The following SCAMP4 variants were observed in gnomAD, a reference collection of about 807,000 sequenced individuals.
The protein encoded by SCAMP4 is secretory carrier membrane protein 4.
Under a neutral mutation model 32.1 loss-of-function variants are expected in SCAMP4, and 19 were observed. The observed-to-expected ratio is 0.59, with a 90% CI of 0.41 to 0.87. The LOEUF is 0.87. Ranked by LOEUF, SCAMP4 falls within the 40% of genes least tolerant of loss-of-function variation. SCAMP4 has a pLI of 0.00. For synonymous variants in SCAMP4, 152 were observed against 132.7 expected (o/e 1.15, Z -1.00); for missense variants, 302 against 309.0 (o/e 0.98, Z 0.17).
At chr19:1,922,980 A>G in intron 5 of SCAMP4, 90 bp from the exon 6 acceptor site, 1 of 1,416,612 alleles carries the variant, frequency 7.1e-7, no homozygotes, top group Non-Finnish European at 9.2e-7. Context: ...GATTGGCCAG[A>G]GCTCTTTACA....
At chr19:1,918,727 T>C (rs1475424378) in intron 4 of SCAMP4, 162 bp from the exon 5 acceptor site, 6 of 1,121,648 alleles carry the variant, frequency 5.3e-6, no homozygotes, top group African/African-American at 1.6e-5. Flanking sequence ...TCGACACTGC[T>C]CTCCAGCCTG....
rs2014033707 is a variant in SCAMP4, at chr19:1,924,378, A to G, written c.*94A>G. 8.2e-7 allele frequency: 1 copy of G among 1,219,464 alleles called. No individual in the cohort carries two copies. Among genetic ancestry groups the G allele is most frequent in the Admixed American group, 2.1e-5 (1 of 47,436 alleles). 75.5% of individuals were successfully genotyped at this position (1,219,464 alleles called of 1,614,324 possible). A position where few individuals can be genotyped will look rare whatever the true frequency, so the allele number is the denominator to read the frequency against. On this transcript the variant is annotated 3_prime_UTR_variant, in exon 7 of 7. Coordinates refer to ENST00000316097, the MANE Select transcript of SCAMP4 (RefSeq NM_079834.4). The stretch of plus-strand genomic sequence containing the variant: ...GAGGGCTGGGAGTACCTGGGGCCCC[A>G]TCCCCCCAGCTGGGATGGTGGAAGC...
Position 1,908,615 on chromosome 19 carries a change from G to A in SCAMP4, c.-42+3176G>A, listed in dbSNP as rs1295384225. The A allele has an allele frequency of 4.3e-6, 2 of 470,118 alleles. No individual in the cohort carries two copies. The highest frequency in any genetic ancestry group is 2.4e-5 in the Admixed American group (1 of 42,328). 29.1% of individuals were successfully genotyped at this position (470,118 alleles called of 1,614,324 possible). On this transcript the variant is annotated intron_variant, in intron 1 of 6. Transcript: ENST00000316097. This position sits in a 1 kb window ranked among gnomAD's most constrained non-coding sequence, Gnocchi z 4.2. ...CCATCTGAGGCAGTACTGTCTGCTA[G>A]AAATAACTGTGAGCACACAGGTAGT...
At chr19:1,907,177 A>T (rs566648993) in intron 1 of SCAMP4, 1 of 150,830 alleles carries the variant, frequency 6.6e-6, no homozygotes, top group African/African-American at 2.4e-5. Flanking sequence ...ACAGAGTGAG[A>T]CTGTCCCAAA....
chr19:1,918,373 C>T (rs1466757431), intron 4 of SCAMP4, 90 bp downstream of exon 4: 3 of 1,338,098 alleles, frequency 2.2e-6, no homozygotes, highest in African/African-American at 1.5e-5. Flanking sequence ...AGGAGCTGTC[C>T]CTTTCTCTGC....
intron 3 of SCAMP4, 72 bp downstream of exon 3, chr19:1,917,894 C>T (rs1213481540): frequency 1.9e-6 from 3 of 1,585,962 alleles, no homozygotes; most frequent in Non-Finnish European, 2.6e-6. Context: ...GGCATTCAGG[C>T]AGGGGCAGCC....
chr19:1,922,139 G>T, intron 5 of SCAMP4: 1 of 985,482 alleles, frequency 1.0e-6, no homozygotes, highest in Non-Finnish European at 1.2e-6. Context: ...CAAAATGACT[G>T]TTTTCTGCCT....
At chr19:1,916,219 C>T (rs1243437913) in intron 2 of SCAMP4, among the ~76,000 whole-genome samples, 2 of 149,298 alleles carry the variant, frequency 1.3e-5, no homozygotes, top group African/African-American at 4.9e-5. Context: ...GCCTGGGTGA[C>T]AGAGTGAGAC....
At chr19:1,918,804 C>T (rs2013822187) in intron 4 of SCAMP4, 85 bp from the exon 5 acceptor site, 2 of 1,529,742 alleles carry the variant, frequency 1.3e-6, no homozygotes, top group Admixed American at 4.3e-5. Flanking sequence ...CCGCTCTCAC[C>T]ATCTCTGACT....
intron 1 of SCAMP4, among the ~76,000 whole-genome samples, chr19:1,910,573 G>GTT (rs1490295435): frequency 4.7e-5 from 6 of 126,822 alleles, no homozygotes; most frequent in Non-Finnish European, 8.1e-5. Context: ...TTTTTGAGGT[G>GTT]TCTTTTTTTT....
At chr19:1,922,674 T>C in intron 5 of SCAMP4, 1 of 989,590 alleles carries the variant, frequency 1.0e-6, no homozygotes, top group Non-Finnish European at 1.2e-6. Flanking sequence ...GGGTTCTTAG[T>C]AGCAGGCTCA....
Position 1,908,510 on chromosome 19 carries a change from G to A in SCAMP4, c.-42+3071G>A, listed in dbSNP as rs566505241. ...TGCGGGAGGAGCCGTCCATACCAGCGGGGATGTGTAGTCCAGGCTGGCAGT... is the reference window on the plus strand; with the variant it reads ...TGCGGGAGGAGCCGTCCATACCAGCAGGGATGTGTAGTCCAGGCTGGCAGT... On this transcript the variant is annotated intron_variant, in intron 1 of 6. Coordinates refer to ENST00000316097, the MANE Select transcript of SCAMP4 (RefSeq NM_079834.4). The surrounding 1 kb of genome is among the most constrained non-coding windows in gnomAD (Gnocchi z 4.2). 3.7e-4 allele frequency: 173 copies of A among 471,126 alleles called. No individual in the cohort carries two copies. Among genetic ancestry groups the A allele is most frequent in the South Asian group, 9.3e-4 (60 of 64,568 alleles). 29.2% of individuals were successfully genotyped at this position (471,126 alleles called of 1,614,324 possible).
intron 5 of SCAMP4, chr19:1,922,294 C>G: frequency 1.0e-6 from 1 of 979,652 alleles, no homozygotes; most frequent in Non-Finnish European, 1.2e-6. Context: ...GAATCTTGCT[C>G]TGTCCCCCAG....
intron 5 of SCAMP4, chr19:1,921,089 C>T (rs769697733): frequency 1.7e-4 from 167 of 985,286 alleles, no homozygotes; most frequent in Non-Finnish European, 1.9e-4. Flanking sequence ...CAAACCACAG[C>T]GCACAGCGAC....
At chr19:1,910,195 G>A (rs2013366318) in intron 1 of SCAMP4, among the ~76,000 whole-genome samples, 1 of 152,234 alleles carries the variant, frequency 6.6e-6, no homozygotes. Context: ...CTGGAACCCA[G>A]GTGTCAGCCA....
rs1183827901 is a variant in SCAMP4, at chr19:1,908,571, C to T, written c.-42+3132C>T. 2.1e-6 allele frequency: 1 copy of T among 471,092 alleles called. No homozygotes were observed. The highest frequency in any genetic ancestry group is 4.4e-6 in the Non-Finnish European group (1 of 227,064). 29.2% of individuals were successfully genotyped at this position (471,092 alleles called of 1,614,324 possible). Reference sequence around the variant, plus strand: ...CCGGCTGGAGTCATTTTAAGATCATCTGCGGCTTAGCCCCAGCACCATCTG... The same window carrying T: ...CCGGCTGGAGTCATTTTAAGATCATTTGCGGCTTAGCCCCAGCACCATCTG... On this transcript the variant is annotated intron_variant, in intron 1 of 6. Coordinates refer to ENST00000316097, the MANE Select transcript of SCAMP4 (RefSeq NM_079834.4). The surrounding 1 kb of genome is among the most constrained non-coding windows in gnomAD (Gnocchi z 4.2).
rs896308703 is a variant in SCAMP4, at chr19:1,924,206, G to A, written c.612G>A (p.Gln204=). 12 of 1,609,466 alleles carry A rather than the reference G, an allele frequency of 7.5e-6. No homozygotes were observed. The highest frequency in any genetic ancestry group is 1.3e-5 in the African/African-American group (1 of 74,854). ...TWRNPPSREA[Q]YNNFSGNSLP... ...GGAACCCACCGTCGAGGGAGGCCCAGTACAACAACTTCTCAGGCAACAGCC... is the reference window on the plus strand; with the variant it reads ...GGAACCCACCGTCGAGGGAGGCCCAATACAACAACTTCTCAGGCAACAGCC... Residue 204 remains glutamine (Q), a synonymous_variant, in exon 7 of 7, where the codon CAG becomes CAA. Transcript: ENST00000316097.
intron 1 of SCAMP4, chr19:1,913,397 C>A: frequency 1.6e-6 from 1 of 609,524 alleles, no homozygotes; most frequent in South Asian, 2.2e-5. Flanking sequence ...TCCCCTCTGT[C>A]TCGCGGGCCG....
Position 1,912,592 on chromosome 19 carries a change from C to G in SCAMP4, c.-41-2387C>G, listed in dbSNP as rs1287323150. The G allele has an allele frequency of 2.3e-5, 35 of 1,493,242 alleles. No homozygotes were observed. In the African/African-American group the frequency reaches 4.1e-4, roughly 17 times the overall value. 92.5% of individuals were successfully genotyped at this position (1,493,242 alleles called of 1,614,324 possible). On this transcript the variant is annotated intron_variant, in intron 1 of 6. Transcript: ENST00000316097. ...AGCGCCCTGGCTGGGCGGCTCTTCT[C>G]CACGCAGGAGCGCGCCGCCATGCAG...
Sources: allele counts gnomAD v4.1 joint callset (sites outside exome capture counted in the v4.1 genomes callset), GRCh38; gene constraint gnomAD v4.1.1; non-coding constraint Gnocchi (gnomAD v3.1); transcripts MANE v1.5; gene names NCBI Gene and HGNC (gene_info 2026-07-23, HGNC 2026-07-21).